The following ZDHHC21 variants were observed in gnomAD, a reference collection of about 807,000 sequenced individuals.
ZDHHC21 encodes zDHHC palmitoyltransferase 21.
Under a neutral mutation model 34.6 loss-of-function variants are expected in ZDHHC21, and 15 were observed. The ratio of observed to expected loss-of-function variants is 0.43; its 90% confidence interval spans 0.29 to 0.67. ZDHHC21 has a LOEUF of 0.67. Ranked by LOEUF, ZDHHC21 falls within the 30% of genes least tolerant of loss-of-function variation. The pLI is 0.14. For synonymous variants in ZDHHC21, 142 were observed against 101.8 expected, an observed-to-expected ratio of 1.40 and a Z score of -2.38; for missense variants, 344 against 327.7, an observed-to-expected ratio of 1.05 and a Z score of -0.38.
At chr9:14,610,422 T>G (rs928720143), downstream of ZDHHC21, among the ~76,000 whole-genome samples, 3 of 152,010 alleles carry the variant, frequency 2.0e-5, no homozygotes, top group Admixed American at 1.3e-4. Flanking sequence ...AAAGCAAAAT[T>G]TATAGTTTTA....
At chr9:14,608,553 T>G (rs1003763036), downstream of ZDHHC21, among the ~76,000 whole-genome samples, 2 of 152,174 alleles carry the variant, frequency 1.3e-5, no homozygotes, top group Admixed American at 6.5e-5. Flanking sequence ...ACAGAGGTGC[T>G]TTCTTGTTTG....
intron 5 of ZDHHC21, among the ~76,000 whole-genome samples, chr9:14,671,434 C>A (rs951559476): frequency 1.3e-5 from 2 of 151,980 alleles, no homozygotes; most frequent in Non-Finnish European, 2.9e-5. Flanking sequence ...AATCAGTTGT[C>A]AATGTAGGAA....
intron 5 of ZDHHC21, among the ~76,000 whole-genome samples, chr9:14,668,264 G>C (rs1036606106): frequency 1.4e-4 from 20 of 138,078 alleles, no homozygotes; most frequent in Admixed American, 3.0e-4. Context: ...GCCTCAAAGA[G>C]AATAAAATAC....
chr9:14,630,785 A>C (rs1166779396), intron 8 of ZDHHC21, among the ~76,000 whole-genome samples: 2 of 152,210 alleles, frequency 1.3e-5, no homozygotes, highest in African/African-American at 4.8e-5. Flanking sequence ...GAGTGACTTG[A>C]TGCATTGTCA....
Position 14,615,439 on chromosome 9 carries a change from A to G in ZDHHC21, c.*3527T>C, listed in dbSNP as rs371981269. ...TGTTCTCTATTTCATTATTAAAAAT[A>G]AACCATGCTTTTTTTCTGAAAAAGT... On this transcript the variant is annotated 3_prime_UTR_variant, in exon 10 of 10. Coordinates refer to ENST00000380916, the MANE Select transcript of ZDHHC21 (RefSeq NM_178566.6). 2 of 151,936 alleles carry G rather than the reference A, an allele frequency of 1.3e-5. No homozygotes were observed. The highest frequency in any genetic ancestry group is 1.9e-4 in the East Asian group (1 of 5,174). 9.4% of individuals were successfully genotyped at this position (151,936 alleles called of 1,614,324 possible).
At chr9:14,688,766 A>C (rs1173862679) in intron 2 of ZDHHC21, among the ~76,000 whole-genome samples, 1 of 152,124 alleles carries the variant, frequency 6.6e-6, no homozygotes, top group East Asian at 1.9e-4. Context: ...GGAGGCTGAG[A>C]CAGGAGAATT....
At chr9:14,669,676 A>C (rs925009462) in intron 5 of ZDHHC21, among the ~76,000 whole-genome samples, 6 of 147,900 alleles carry the variant, frequency 4.1e-5, no homozygotes, top group South Asian at 2.2e-4. Context: ...ATGCAGCCAT[A>C]AAAAATGATG....
At chr9:14,675,439 T>C (rs965356818) in intron 3 of ZDHHC21, among the ~76,000 whole-genome samples, 2 of 151,960 alleles carry the variant, frequency 1.3e-5, no homozygotes, top group Admixed American at 6.6e-5. Context: ...CTACATCTAC[T>C]GAATCATAAT....
chr9:14,626,186 T>C (rs1215515303), intron 8 of ZDHHC21, among the ~76,000 whole-genome samples: 1 of 151,996 alleles, frequency 6.6e-6, no homozygotes, highest in Non-Finnish European at 1.5e-5. Context: ...ACATGCCCCT[T>C]TGGCTGAGAT....
intron 7 of ZDHHC21, among the ~76,000 whole-genome samples, chr9:14,647,268 T>TG (rs1342753922): frequency 3.9e-5 from 6 of 152,146 alleles, no homozygotes; most frequent in African/African-American, 1.2e-4. Context: ...AACTAGGCAG[T>TG]GGGGGGCACC....
rs1367455650 is a variant in ZDHHC21, at chr9:14,652,517, TAAG to T, written c.504+6229_504+6231del. On this transcript the variant is annotated intron_variant, in intron 7 of 9. Transcript: ENST00000380916. ...AAAAGAATATTTTAAAAGTAAAGAT[TAAG>T]AAGAAATCTAAAAAGCATTAAGTTA... is the stretch of plus-strand genomic sequence containing the variant. Among the ~76,000 whole-genome samples the T allele has an allele frequency of 3.9e-5, 6 of 152,024 alleles. No homozygotes were observed. In the East Asian group the frequency reaches 1.2e-3, roughly 29 times the overall value.
chr9:14,646,514 G>C (rs2133787787), intron 7 of ZDHHC21, among the ~76,000 whole-genome samples: 1 of 152,218 alleles, frequency 6.6e-6, no homozygotes, highest in East Asian at 1.9e-4. Flanking sequence ...AAAAGGATGT[G>C]AGAGACAGGA....
intron 8 of ZDHHC21, 52 bp downstream of exon 8, chr9:14,639,844 A>G: frequency 9.4e-7 from 1 of 1,064,790 alleles, no homozygotes; most frequent in East Asian, 2.6e-5. Context: ...AATTACATTC[A>G]TAATTAGGTA....
In ZDHHC21 at chr9:14,624,087, AG is replaced by A. The variant is rs1333673030; in HGVS notation, c.622-4406del. ...TCAACCATGGATCGAAAATACTTTA[AG>A]AAAAACTATTTAAAAAAATAAATAA... On this transcript the variant is annotated intron_variant, in intron 8 of 9. Coordinates refer to ENST00000380916, the MANE Select transcript of ZDHHC21 (RefSeq NM_178566.6). Among the ~76,000 whole-genome samples the A allele has an allele frequency of 4.3e-3, 652 of 152,268 alleles. 5 individuals carry two copies. The highest frequency in any genetic ancestry group is 0.015 in the African/African-American group (631 of 41,584).
intron 5 of ZDHHC21, among the ~76,000 whole-genome samples, chr9:14,667,862 G>A (rs2134009890): frequency 1.6e-4 from 2 of 12,760 alleles, no homozygotes; most frequent in East Asian, 2.3e-3. Flanking sequence ...AAAATAATAA[G>A]AGCTATCTAT....
chr9:14,645,364 C>T (rs946298496), intron 7 of ZDHHC21, among the ~76,000 whole-genome samples: 2 of 151,948 alleles, frequency 1.3e-5, no homozygotes, highest in Non-Finnish European at 2.9e-5. Flanking sequence ...AAAGAATTAT[C>T]TTTTCAATAA....
chr9:14,626,548 C>A (rs926896188), intron 8 of ZDHHC21, among the ~76,000 whole-genome samples: 13 of 151,806 alleles, frequency 8.6e-5, no homozygotes, highest in African/African-American at 3.1e-4. Context: ...ACTGAGCAAA[C>A]AGAAATTATG....
chr9:14,625,106 T>C (rs917129870), intron 8 of ZDHHC21, among the ~76,000 whole-genome samples: 6 of 152,102 alleles, frequency 3.9e-5, no homozygotes, highest in African/African-American at 9.6e-5. Flanking sequence ...ACTTTAAATT[T>C]TTCCATAGCA....
chr9:14,644,926 C>T (rs1042162900), intron 7 of ZDHHC21, among the ~76,000 whole-genome samples: 1 of 151,720 alleles, frequency 6.6e-6, no homozygotes, highest in Non-Finnish European at 1.5e-5. Context: ...CAAAGAATAC[C>T]ATGAGGCTCA....
Sources: gnomAD v4.1 joint callset for allele counts (sites outside exome capture counted in the v4.1 genomes callset) on GRCh38, gnomAD v4.1.1 for gene constraint, MANE v1.5 for transcripts, NCBI Gene and HGNC (gene_info 2026-07-23, HGNC 2026-07-21) for gene names.